The following CNTNAP2 variants were observed in gnomAD, a reference collection of about 807,000 sequenced individuals.
The protein encoded by CNTNAP2 is contactin-associated protein-like 2.
Under a neutral mutation model 155.2 loss-of-function variants are expected in CNTNAP2, and 98 were observed. The ratio of observed to expected loss-of-function variants is 0.63; its 90% CI spans 0.54 to 0.75. The LOEUF is 0.75. Ranked by LOEUF, CNTNAP2 falls within the 30% of genes least tolerant of loss-of-function variation. The pLI is 0.00. For missense variants in CNTNAP2, 1,727 were observed against 1,688.1 expected (o/e 1.02, Z -0.40); for synonymous variants, 651 against 631.2 (o/e 1.03, Z -0.47).
At chr7:147,883,268 A>G (rs1429252896) in intron 13 of CNTNAP2, among the ~76,000 whole-genome samples, 1 of 152,152 alleles carries the variant, frequency 6.6e-6, no homozygotes, top group Non-Finnish European at 1.5e-5. Context: ...GCACTACCAT[A>G]TCTTAAGAGT....
At chr7:147,554,755 T>C (rs1799919338) in intron 11 of CNTNAP2, among the ~76,000 whole-genome samples, 1 of 152,026 alleles carries the variant, frequency 6.6e-6, no homozygotes, top group Non-Finnish European at 1.5e-5. Context: ...ATCCACATTC[T>C]CTCTACCATC....
At chr7:146,275,730 C>T (rs558305716) in intron 1 of CNTNAP2, among the ~76,000 whole-genome samples, 15 of 152,242 alleles carry the variant, frequency 9.9e-5, no homozygotes, top group African/African-American at 2.4e-4. Flanking sequence ...CACAAGAATG[C>T]GATGTAGGCA....
chr7:148,077,818 A>G (rs942369644), intron 15 of CNTNAP2, among the ~76,000 whole-genome samples: 3 of 152,200 alleles, frequency 2.0e-5, no homozygotes, highest in Non-Finnish European at 2.9e-5. Flanking sequence ...CATACAAGTT[A>G]CCAATTAGAA....
chr7:147,196,802 C>T (rs1008076260), intron 8 of CNTNAP2, among the ~76,000 whole-genome samples: 1 of 152,140 alleles, frequency 6.6e-6, no homozygotes, highest in African/African-American at 2.4e-5. Flanking sequence ...GAAAAATATA[C>T]AGCTAAGAGT....
rs114096216 is a variant in CNTNAP2 at position 146,254,837 on chromosome 7, C to T, written c.97+137864C>T. Among the ~76,000 whole-genome samples the T allele has an allele frequency of 4.7e-3, 717 of 151,796 alleles. 8 individuals are homozygous for T. Among genetic ancestry groups the T allele is most frequent in the African/African-American group, 0.017 (695 of 41,354 alleles). On this transcript the variant is annotated intron_variant, in intron 1 of 23. Coordinates refer to ENST00000361727, the MANE Select transcript of CNTNAP2 (RefSeq NM_014141.6). ...TTGTACCATATTCAAGCTGTAATCA[C>T]TGAAGGTAGGAAACAAACCAGCAAA...
intron 9 of CNTNAP2, among the ~76,000 whole-genome samples, chr7:147,394,486 A>G (rs1198521607): frequency 1.3e-5 from 2 of 152,002 alleles, no homozygotes; most frequent in African/African-American, 4.8e-5. Flanking sequence ...GAATGTGTCA[A>G]TAACTTCAGA....
intron 1 of CNTNAP2, among the ~76,000 whole-genome samples, chr7:146,272,844 G>T (rs954321678): frequency 6.6e-6 from 1 of 152,174 alleles, no homozygotes; most frequent in Non-Finnish European, 1.5e-5. Flanking sequence ...CAAGAGGTAA[G>T]ACCTGAGGAA....
At chr7:147,784,494 A>AT (rs1704923618) in intron 13 of CNTNAP2, among the ~76,000 whole-genome samples, 9 of 45,022 alleles carry the variant, frequency 2.0e-4, no homozygotes, top group African/African-American at 3.7e-4. Flanking sequence ...GCTCTGGACT[A>AT]ATATATATAT....
At chr7:147,368,018 C>G (rs1395387937) in intron 9 of CNTNAP2, among the ~76,000 whole-genome samples, 1 of 106,028 alleles carries the variant, frequency 9.4e-6, no homozygotes, top group East Asian at 2.5e-4. Flanking sequence ...CTCTCTCCCC[C>G]CCCTCCCCCT....
chr7:147,347,268 G>T lies in CNTNAP2; in HGVS notation c.1498+46978G>T, dbSNP rs76039300. Among the ~76,000 whole-genome samples the T allele has an allele frequency of 2.8e-3, 418 of 151,926 alleles. 6 individuals are homozygous for T. Among genetic ancestry groups the T allele is most frequent in the African/African-American group, 9.7e-3 (402 of 41,432 alleles). The stretch of plus-strand genomic sequence containing the variant: ...GGTAGTTGTAGGTCAATCTTGGTCA[G>T]TGGACTTGTTTGCAACCCTAAAAGA... On this transcript the variant is annotated intron_variant, in intron 9 of 23. Transcript: ENST00000361727.
At chr7:147,266,107 C>T (rs1360308534) in intron 8 of CNTNAP2, among the ~76,000 whole-genome samples, 4 of 152,142 alleles carry the variant, frequency 2.6e-5, no homozygotes, top group Non-Finnish European at 5.9e-5. Context: ...AATACCTCTC[C>T]AGCAAGGACA....
At chr7:148,045,907 A>C (rs545280575) in intron 15 of CNTNAP2, among the ~76,000 whole-genome samples, 24 of 152,332 alleles carry the variant, frequency 1.6e-4, no homozygotes, top group Non-Finnish European at 2.8e-4. Flanking sequence ...AAAATCACCA[A>C]CCATAGGAAA....
rs368397397 is a variant in CNTNAP2, at chr7:146,652,694, G to A, written c.98-121577G>A. Among the ~76,000 whole-genome samples the A allele has an allele frequency of 7.9e-5, 12 of 152,208 alleles. No individual in the cohort carries two copies. In the East Asian group the frequency reaches 1.9e-3, roughly 25 times the overall value. ...TAACTTTGAACTTCAAGAAGTAGTAGAAATGGGAATTTGAATTTTCAGACC... is the reference window on the plus strand; with the variant it reads ...TAACTTTGAACTTCAAGAAGTAGTAAAAATGGGAATTTGAATTTTCAGACC... On this transcript the variant is annotated intron_variant, in intron 1 of 23. Coordinates refer to ENST00000361727, the MANE Select transcript of CNTNAP2 (RefSeq NM_014141.6).
intron 13 of CNTNAP2, among the ~76,000 whole-genome samples, chr7:147,745,192 G>A (rs1364361962): frequency 6.6e-6 from 1 of 152,166 alleles, no homozygotes; most frequent in Non-Finnish European, 1.5e-5. Context: ...CTCTGTGACT[G>A]AATCAAATGA....
chr7:147,951,377 T>C (rs1336575691), intron 14 of CNTNAP2, among the ~76,000 whole-genome samples: 2 of 152,134 alleles, frequency 1.3e-5, no homozygotes, highest in African/African-American at 4.8e-5. Context: ...AGAAGATTCA[T>C]GACTGACCAT....
chr7:148,035,922 C>T (rs1802565755), intron 15 of CNTNAP2, among the ~76,000 whole-genome samples: 1 of 152,214 alleles, frequency 6.6e-6, no homozygotes, highest in Non-Finnish European at 1.5e-5. Flanking sequence ...AAACTTTATT[C>T]TGGAGTCTTA....
intron 13 of CNTNAP2, among the ~76,000 whole-genome samples, chr7:147,679,958 A>T (rs1795922624): frequency 6.6e-6 from 1 of 151,590 alleles, no homozygotes; most frequent in African/African-American, 2.4e-5. Context: ...GTCAACTCTG[A>T]ATATCTTCGT....
chr7:148,018,733 G>T (rs1185925999), intron 15 of CNTNAP2, among the ~76,000 whole-genome samples: 3 of 152,214 alleles, frequency 2.0e-5, no homozygotes, highest in Non-Finnish European at 4.4e-5. Flanking sequence ...CCTTTGTCGT[G>T]GGAAGGAGTC....
intron 1 of CNTNAP2, among the ~76,000 whole-genome samples, chr7:146,678,226 A>G (rs1800437954): frequency 6.6e-6 from 1 of 151,688 alleles, no homozygotes; most frequent in Non-Finnish European, 1.5e-5. Context: ...CCACCGCCAC[A>G]CCTAGCTAAT....
Sources: allele counts gnomAD v4.1 joint callset (sites outside exome capture counted in the v4.1 genomes callset), GRCh38; gene constraint gnomAD v4.1.1; transcripts MANE v1.5; gene names NCBI Gene and HGNC (gene_info 2026-07-23, HGNC 2026-07-21).